ARB2A: variants seen among roughly 807,000 people sequenced by gnomAD.
ARB2A encodes ARB2 cotranscriptional regulator A, also known as cotranscriptional regulator ARB2A.
chr5:93,834,553 A>C, the ARB2A span, among the ~76,000 whole-genome samples: 1 of 152,208 alleles, frequency 6.6e-6, no homozygotes. Context: ...GTGTTTAAGA[A>C]AGCTAGATTC....
the ARB2A span, among the ~76,000 whole-genome samples, chr5:93,638,218 C>T: frequency 6.6e-6 from 1 of 152,126 alleles, no homozygotes; most frequent in Non-Finnish European, 1.5e-5. Context: ...TCAGTGAGCT[C>T]TATGAGTGCT....
chr5:93,713,574 G>A, the ARB2A span, among the ~76,000 whole-genome samples: 2 of 152,176 alleles, frequency 1.3e-5, no homozygotes, highest in African/African-American at 4.8e-5. Flanking sequence ...CAAGGATGTG[G>A]AGAAAGGGAC....
chr5:93,648,145 C>CAA, the ARB2A span, among the ~76,000 whole-genome samples: 3 of 83,494 alleles, frequency 3.6e-5, no homozygotes, highest in Non-Finnish European at 5.1e-5. Context: ...GAACCTGTCT[C>CAA]AAAAAAAAAA....
At chr5:93,958,582 T>A in the ARB2A span, among the ~76,000 whole-genome samples, 1 of 152,104 alleles carries the variant, frequency 6.6e-6, no homozygotes, top group African/African-American at 2.4e-5. Context: ...TAAATCTTTG[T>A]ATGCTCAAGA....
chr5:93,961,724 A>C, the ARB2A span, among the ~76,000 whole-genome samples: 1 of 152,192 alleles, frequency 6.6e-6, no homozygotes, highest in African/African-American at 2.4e-5. Context: ...ATTTTAAAAA[A>C]AAACACTGCT....
the ARB2A span, among the ~76,000 whole-genome samples, chr5:93,754,457 C>T: frequency 6.6e-6 from 1 of 152,162 alleles, no homozygotes; most frequent in African/African-American, 2.4e-5. Context: ...CTTAAAGGCA[C>T]TTAGGGAGCA....
chr5:94,032,400 G>A, the ARB2A span, among the ~76,000 whole-genome samples: 10 of 152,214 alleles, frequency 6.6e-5, no homozygotes, highest in South Asian at 1.0e-3. Flanking sequence ...TGCCAAACAC[G>A]TTTAAACAAG....
At chr5:94,088,624 A>G in the ARB2A span, among the ~76,000 whole-genome samples, 1 of 152,274 alleles carries the variant, frequency 6.6e-6, no homozygotes, top group South Asian at 2.1e-4. Context: ...CTGAGCCATG[A>G]TCATGCCACT....
chr5:93,749,075 T>A, the ARB2A span, among the ~76,000 whole-genome samples: 4 of 152,180 alleles, frequency 2.6e-5, no homozygotes, highest in South Asian at 8.3e-4. Flanking sequence ...TTTGCCAGTG[T>A]CACTTTCTCT....
chr5:93,662,009 G>T, the ARB2A span, among the ~76,000 whole-genome samples: 1 of 152,082 alleles, frequency 6.6e-6, no homozygotes, highest in Non-Finnish European at 1.5e-5. Context: ...ACCATATGTC[G>T]CATGAGAGCT....
At chr5:94,106,383 C>T in the ARB2A span, among the ~76,000 whole-genome samples, 1 of 152,116 alleles carries the variant, frequency 6.6e-6, no homozygotes, top group Non-Finnish European at 1.5e-5. Flanking sequence ...AAATGCTCAA[C>T]ATCACTGAGC....
chr5:93,737,500 G>A, the ARB2A span: 1 of 151,908 alleles, frequency 6.6e-6, no homozygotes. Context: ...CATATGGCAT[G>A]TATATATATG....
chr5:93,936,972 G>T, the ARB2A span, among the ~76,000 whole-genome samples: 5 of 137,166 alleles, frequency 3.6e-5, no homozygotes, highest in Admixed American at 3.9e-4. Context: ...ACGGAGTCTC[G>T]CTCTGTCACC....
chr5:93,669,718 T>C, the ARB2A span, among the ~76,000 whole-genome samples: 1 of 152,332 alleles, frequency 6.6e-6, no homozygotes, highest in Non-Finnish European at 1.5e-5. Flanking sequence ...GTAGCTAATT[T>C]GGAGGGTGTA....
At chr5:93,929,370 T>C in the ARB2A span, among the ~76,000 whole-genome samples, 1 of 152,112 alleles carries the variant, frequency 6.6e-6, no homozygotes, top group Non-Finnish European at 1.5e-5. Context: ...GTATCTGACC[T>C]CAAGAATGTG....
the ARB2A span, among the ~76,000 whole-genome samples, chr5:93,645,748 C>T: frequency 1.8e-4 from 28 of 152,082 alleles, no homozygotes; most frequent in Non-Finnish European, 3.5e-4. Context: ...GTATTTTATA[C>T]ATGCAAGACA....
chr5:93,805,039 G>C, the ARB2A span: 7 of 963,602 alleles, frequency 7.3e-6, no homozygotes, highest in African/African-American at 1.8e-5. Flanking sequence ...GATTTTATGA[G>C]GGGATGCATT....
the ARB2A span, among the ~76,000 whole-genome samples, chr5:94,108,384 T>C: frequency 6.6e-6 from 1 of 152,124 alleles, no homozygotes; most frequent in Non-Finnish European, 1.5e-5. Context: ...GTATTTTTTT[T>C]TTTAATTTCT....
At chr5:93,736,506 C>T in the ARB2A span, 6 of 152,090 alleles carry the variant, frequency 3.9e-5, no homozygotes, top group Non-Finnish European at 5.9e-5. Flanking sequence ...TTTTCATCAC[C>T]CCGGGTGAGT....
Sources: allele counts gnomAD v4.1 joint callset (sites outside exome capture counted in the v4.1 genomes callset), GRCh38; gene constraint gnomAD v4.1.1; transcripts MANE v1.5; gene names NCBI Gene and HGNC (gene_info 2026-07-23, HGNC 2026-07-21).